The following RTL4 variants were observed in gnomAD, a reference collection of about 807,000 sequenced individuals.
RTL4 encodes the protein retrotransposon Gag-like protein 4.
RTL4 carries 4 observed loss-of-function variants against 5.3 expected under a neutral mutation model. The ratio of observed to expected loss-of-function variants is 0.75; its 90% CI spans 0.37 to 1.72. RTL4 has a LOEUF of 1.72. Among genes scored for constraint, RTL4 ranks in the 40% most tolerant of loss-of-function variants. RTL4 has a pLI of 0.04. For missense variants in RTL4, 260 were observed against 227.1 expected (o/e 1.14, Z -0.93); for synonymous variants, 98 against 87.3 (o/e 1.12, Z -0.68).
At chrX:112,306,919 T>C in the RTL4 span, among the ~76,000 whole-genome samples, 2 of 111,799 alleles carry the variant, frequency 1.8e-5, no homozygotes, top group Non-Finnish European at 3.8e-5. Flanking sequence ...ATGAGGAGCT[T>C]GTCCTTAGCA....
At chrX:112,424,439 G>C in the RTL4 span, among the ~76,000 whole-genome samples, 2 of 111,381 alleles carry the variant, frequency 1.8e-5, no homozygotes, top group African/African-American at 6.5e-5. Flanking sequence ...TTATCATTGT[G>C]TGAGGAGGTT....
chrX:112,416,763 T>G, the RTL4 span, among the ~76,000 whole-genome samples: 1 of 112,078 alleles, frequency 8.9e-6, no homozygotes, highest in Non-Finnish European at 1.9e-5. Context: ...GTGCTGCTAT[T>G]TTTTCTCTCA....
chrX:112,243,071 T>A, the RTL4 span, among the ~76,000 whole-genome samples: 1 of 111,753 alleles, frequency 8.9e-6, no homozygotes, highest in African/African-American at 3.3e-5. Context: ...AGCTTTTTGA[T>A]GTGCTGCTGG....
At chrX:112,299,079 C>CT in the RTL4 span, among the ~76,000 whole-genome samples, 1 of 112,044 alleles carries the variant, frequency 8.9e-6, no homozygotes, top group East Asian at 2.8e-4. Flanking sequence ...AGTTTTAACT[C>CT]TGAGATTTGA....
the RTL4 span, among the ~76,000 whole-genome samples, chrX:112,220,428 C>T: frequency 8.9e-6 from 1 of 112,678 alleles, no homozygotes; most frequent in Non-Finnish European, 1.9e-5. Flanking sequence ...CCCATGAAAC[C>T]ATTTTTCCCT....
chrX:112,390,106 A>ATATAT, the RTL4 span, among the ~76,000 whole-genome samples: 1 of 17,395 alleles, frequency 5.7e-5, no homozygotes, highest in African/African-American at 2.2e-4. Flanking sequence ...ATTTATATAT[A>ATATAT]ATATATATAT....
the RTL4 span, among the ~76,000 whole-genome samples, chrX:112,106,910 G>T: frequency 1.8e-5 from 2 of 111,372 alleles, 1 homozygote; most frequent in South Asian, 7.6e-4. Flanking sequence ...TTATATTCTG[G>T]ATATTAATGC....
chrX:112,352,601 G>A, the RTL4 span, among the ~76,000 whole-genome samples: 5 of 111,243 alleles, frequency 4.5e-5, no homozygotes, highest in Non-Finnish European at 9.4e-5. Context: ...TATTTAATAA[G>A]TGGTGCTGGG....
At chrX:112,363,111 T>C in the RTL4 span, among the ~76,000 whole-genome samples, 1,643 of 110,819 alleles carry the variant, frequency 0.015, 34 homozygotes, top group African/African-American at 0.051. Context: ...AGTTTCAGAC[T>C]TAAGCAGAGA....
the RTL4 span, among the ~76,000 whole-genome samples, chrX:112,094,502 G>C: frequency 9.0e-6 from 1 of 110,828 alleles, no homozygotes; most frequent in East Asian, 2.9e-4. Context: ...ACAAGATTTG[G>C]AAGTTGTCAC....
chrX:112,085,762 T>C, the RTL4 span, among the ~76,000 whole-genome samples: 1 of 111,986 alleles, frequency 8.9e-6, no homozygotes, highest in Non-Finnish European at 1.9e-5. Flanking sequence ...TCAAAGACCA[T>C]ATTTTAACCT....
At chrX:112,264,179 A>T in the RTL4 span, among the ~76,000 whole-genome samples, 12 of 111,916 alleles carry the variant, frequency 1.1e-4, no homozygotes, top group African/African-American at 3.9e-4. Context: ...TGCTACTACT[A>T]CTAGTAATAA....
the RTL4 span, among the ~76,000 whole-genome samples, chrX:112,351,599 T>A: frequency 1.8e-5 from 2 of 108,282 alleles, no homozygotes; most frequent in Non-Finnish European, 3.8e-5. Context: ...TCTTGTTGAA[T>A]TGATCCCTTT....
chrX:112,210,966 G>C, the RTL4 span, among the ~76,000 whole-genome samples: 1 of 112,428 alleles, frequency 8.9e-6, no homozygotes, highest in Admixed American at 9.4e-5. Context: ...GGCAAGAACA[G>C]AAGGAAGCTA....
chrX:112,333,658 T>C, the RTL4 span, among the ~76,000 whole-genome samples: 4 of 111,482 alleles, frequency 3.6e-5, no homozygotes, highest in Non-Finnish European at 7.5e-5. Context: ...ATTTTGGTTT[T>C]GAAAAATTTG....
chrX:112,383,895 G>A, the RTL4 span, among the ~76,000 whole-genome samples: 3 of 111,551 alleles, frequency 2.7e-5, no homozygotes, highest in African/African-American at 9.8e-5. Context: ...CACTACCTGG[G>A]TGATGAGACC....
chrX:112,413,869 C>T, the RTL4 span, among the ~76,000 whole-genome samples: 14 of 110,535 alleles, frequency 1.3e-4, no homozygotes, highest in Admixed American at 1.2e-3. Flanking sequence ...GTAACACAAA[C>T]GATAAATGCT....
At chrX:112,352,774 A>T in the RTL4 span, among the ~76,000 whole-genome samples, 1 of 111,933 alleles carries the variant, frequency 8.9e-6, no homozygotes, top group African/African-American at 3.2e-5. Context: ...GGCATGGGCA[A>T]GGACTTCATG....
the RTL4 span, among the ~76,000 whole-genome samples, chrX:112,124,149 A>T: frequency 1.8e-5 from 2 of 112,132 alleles, no homozygotes; most frequent in Admixed American, 1.9e-4. Flanking sequence ...AAGAATGGTG[A>T]TTATTAAAAG....
Sources: allele counts gnomAD v4.1 joint callset (sites outside exome capture counted in the v4.1 genomes callset), GRCh38; gene constraint gnomAD v4.1.1; transcripts MANE v1.5; gene names NCBI Gene and HGNC (gene_info 2026-07-23, HGNC 2026-07-21).